The following ZSCAN5A variants were observed in gnomAD, a reference collection of about 807,000 sequenced individuals.
The protein encoded by ZSCAN5A is zinc finger and SCAN domain-containing protein 5A.
ZSCAN5A carries 12 observed loss-of-function variants against 23.7 expected under a neutral mutation model. The observed-to-expected ratio is 0.51, with a 90% CI of 0.32 to 0.82. The LOEUF (loss-of-function observed/expected upper bound fraction) is 0.82, where lower values mean the gene tolerates loss of function less well. ZSCAN5A is among the 40% of genes least tolerant of loss of function. The pLI is 0.03. For synonymous variants in ZSCAN5A, 257 were observed against 239.9 expected (o/e 1.07, Z -0.66); for missense variants, 597 against 617.9 (o/e 0.97, Z 0.36).
intron 2 of ZSCAN5A, chr19:56,310,036 G>A (rs1000329835): frequency 6.6e-6 from 1 of 152,398 alleles, no homozygotes; most frequent in Non-Finnish European, 1.5e-5. Flanking sequence ...GCCCTGTAGA[G>A]GTGGATGGAG....
chr19:56,355,540 A>G lies in ZSCAN5A; in HGVS notation c.-358+7695T>C, dbSNP rs991529168. On this transcript the variant is annotated intron_variant, in intron 2 of 6. Transcript: ENST00000587340. ...AGAGATACAAGAAAATACTGGAAAA[A>G]CTAAATTAAAAAATAAAGTAACAAC... Among the ~76,000 whole-genome samples the G allele has an allele frequency of 2.7e-5, 4 of 148,950 alleles. 1 individual carries two copies. Among genetic ancestry groups the G allele is most frequent in the African/African-American group, 7.6e-5 (3 of 39,582 alleles).
In ZSCAN5A at chr19:56,368,271, G is replaced by C. The variant is rs150020327; in HGVS notation, c.-584C>G. 5.2e-3 allele frequency: 794 copies of C among 152,520 alleles called. 5 individuals are homozygous for C. The highest frequency in any genetic ancestry group is 9.3e-3 in the Non-Finnish European group (637 of 68,144). 9.4% of individuals were successfully genotyped at this position (152,520 alleles called of 1,614,324 possible). On this transcript the variant is annotated 5_prime_UTR_variant, in exon 1 of 7. Transcript: ENST00000587340. ...CCTCTGCATTCCGGTCACTGGGAGC[G>C]GGGCCGTGGGGGCTGCACATGCGCA... is the stretch of plus-strand genomic sequence containing the variant.
At chr19:56,297,266 T>A (rs1019726096) in intron 2 of ZSCAN5A, among the ~76,000 whole-genome samples, 1 of 152,066 alleles carries the variant, frequency 6.6e-6, no homozygotes, top group African/African-American at 2.4e-5. Context: ...TCTTCTCTCC[T>A]CATTCGAGGC....
upstream of ZSCAN5A, chr19:56,318,125 GTGTGTGTGTGAGAGTTGTGTGTGTGAGT>G (rs2041336732): frequency 6.6e-6 from 1 of 152,192 alleles, no homozygotes; most frequent in Non-Finnish European, 1.5e-5. Context: ...GCTGGTGTGT[GTGTGTGTGTGAGAGTTGTGTGTGTGAGT>G]TGTGTGTGTG....
chr19:56,297,361 C>T (rs1455483204), intron 2 of ZSCAN5A: 2 of 163,774 alleles, frequency 1.2e-5, no homozygotes, highest in African/African-American at 2.4e-5. Context: ...CTTTTCTCCT[C>T]CTCTTCCTCT....
intron 2 of ZSCAN5A, among the ~76,000 whole-genome samples, chr19:56,344,793 C>T (rs1360011423): frequency 6.7e-6 from 1 of 150,194 alleles, no homozygotes; most frequent in Non-Finnish European, 1.5e-5. Context: ...GTCCCAGCTA[C>T]TCGGGAGGCT....
chr19:56,258,620 C>T (rs1448027678), intron 2 of ZSCAN5A, among the ~76,000 whole-genome samples: 2 of 151,934 alleles, frequency 1.3e-5, no homozygotes, highest in African/African-American at 4.8e-5. Context: ...GTGACCGACA[C>T]GCCTTCCGGT....
At chr19:56,345,649 A>G (rs1275004370) in intron 2 of ZSCAN5A, among the ~76,000 whole-genome samples, 2 of 152,184 alleles carry the variant, frequency 1.3e-5, no homozygotes, top group Admixed American at 1.3e-4. Flanking sequence ...AAGGAGACCA[A>G]TTTTATTTAG....
At chr19:56,321,909 G>A (rs923676158) in intron 2 of ZSCAN5A, 6 of 783,616 alleles carry the variant, frequency 7.7e-6, no homozygotes, top group Admixed American at 6.8e-5. Context: ...GTTACCATCC[G>A]GTACTGCTCA....
intron 2 of ZSCAN5A, chr19:56,301,789 A>T (rs988906041): frequency 3.7e-6 from 2 of 542,868 alleles, no homozygotes; most frequent in Non-Finnish European, 5.5e-6. Context: ...TGTCTGGAGT[A>T]TGGTGGTAAC....
intron 2 of ZSCAN5A, chr19:56,348,085 T>C (rs1273931285): frequency 6.6e-6 from 1 of 152,164 alleles, no homozygotes; most frequent in Non-Finnish European, 1.5e-5. Context: ...TCAGGACCAG[T>C]TTCACAGACG....
intron 2 of ZSCAN5A, among the ~76,000 whole-genome samples, chr19:56,276,504 C>CTATTT (rs767095656): frequency 1.0e-5 from 1 of 97,056 alleles, no homozygotes; most frequent in Non-Finnish European, 2.6e-5. Context: ...ATCTAAAGAG[C>CTATTT]TCTTTTTTTT....
intron 2 of ZSCAN5A, among the ~76,000 whole-genome samples, chr19:56,254,809 T>C (rs985746634): frequency 1.3e-5 from 2 of 152,138 alleles, no homozygotes; most frequent in Non-Finnish European, 2.9e-5. Flanking sequence ...TGGAGTGCCT[T>C]TTCTTGTGTC....
chr19:56,288,481 C>T (rs984348134), intron 2 of ZSCAN5A, among the ~76,000 whole-genome samples: 11 of 152,180 alleles, frequency 7.2e-5, no homozygotes, highest in Non-Finnish European at 1.5e-4. Flanking sequence ...TGGAACCCAG[C>T]AGGTCTACCC....
At chr19:56,330,246 T>C (rs1180730562) in intron 2 of ZSCAN5A, among the ~76,000 whole-genome samples, 2 of 152,274 alleles carry the variant, frequency 1.3e-5, no homozygotes, top group East Asian at 3.8e-4. Context: ...AATGGGCAGC[T>C]ATGTTGATTT....
chr19:56,345,010 C>G (rs2041622811), intron 2 of ZSCAN5A, among the ~76,000 whole-genome samples: 1 of 149,640 alleles, frequency 6.7e-6, no homozygotes, highest in African/African-American at 2.5e-5. Flanking sequence ...GAGGCCGAGG[C>G]AGGAGAATGG....
intron 2 of ZSCAN5A, among the ~76,000 whole-genome samples, chr19:56,230,712 T>C (rs1326830184): frequency 6.6e-6 from 1 of 151,738 alleles, no homozygotes; most frequent in African/African-American, 2.4e-5. Flanking sequence ...GTACAGATGC[T>C]CCTCGACTTA....
chr19:56,254,345 ATTAG>A (rs1236838286), intron 2 of ZSCAN5A, among the ~76,000 whole-genome samples: 1 of 152,174 alleles, frequency 6.6e-6, no homozygotes, highest in African/African-American at 2.4e-5. Context: ...CATCTTACCT[ATTAG>A]TTGTAACAAA....
chr19:56,253,577 G>A (rs2036501941), intron 2 of ZSCAN5A, among the ~76,000 whole-genome samples: 1 of 151,962 alleles, frequency 6.6e-6, no homozygotes, highest in Non-Finnish European at 1.5e-5. Flanking sequence ...GCTCCCATCG[G>A]TGTGCTGGCA....
Sources: allele counts gnomAD v4.1 joint callset (sites outside exome capture counted in the v4.1 genomes callset), GRCh38; gene constraint gnomAD v4.1.1; transcripts MANE v1.5; gene names NCBI Gene and HGNC (gene_info 2026-07-23, HGNC 2026-07-21).